The following URGCP variants were observed in gnomAD, a reference collection of about 807,000 sequenced individuals.
URGCP encodes the protein upregulator of cell proliferation, also known as up-regulator of cell proliferation.
Under a neutral mutation model 24.6 loss-of-function variants are expected in URGCP, and 13 were observed. That is an observed-to-expected ratio of 0.53 (90% CI 0.34 to 0.84). The LOEUF (loss-of-function observed/expected upper bound fraction) is 0.84. Among genes scored for constraint, URGCP ranks in the 40% least tolerant of loss-of-function variants. URGCP has a pLI of 0.01. For synonymous variants in URGCP, 444 were observed against 487.2 expected, an observed-to-expected ratio of 0.91 and a Z score of 1.17; for missense variants, 899 against 1,194.3, an observed-to-expected ratio of 0.75 and a Z score of 3.64.
chr7:43,902,267 G>A (rs1489063350), intron 1 of URGCP, among the ~76,000 whole-genome samples: 3 of 152,124 alleles, frequency 2.0e-5, no homozygotes, highest in African/African-American at 7.2e-5. Context: ...CTGGCCTTGG[G>A]TTTGTCGTCC....
intron 1 of URGCP, chr7:43,919,846 G>A: frequency 1.6e-6 from 2 of 1,273,734 alleles, no homozygotes; most frequent in South Asian, 2.4e-5. Flanking sequence ...AACCACACCA[G>A]CATCTCCTCA....
At chr7:43,906,812 C>T (rs1432756108), upstream of URGCP, 1 of 291,606 alleles carries the variant, frequency 3.4e-6, no homozygotes, top group African/African-American at 2.2e-5. Flanking sequence ...CCAACGCCCA[C>T]CTGCCCAGGT....
Position 43,887,431 on chromosome 7 carries a change from T to C in URGCP, c.96A>G (p.Thr32=), listed in dbSNP as rs2095863782. 6.2e-7 allele frequency: 1 copy of C among 1,613,832 alleles called. No homozygotes were observed. The highest frequency in any genetic ancestry group is 1.3e-5 in the African/African-American group (1 of 74,938). ...CAACTTTACCTGCAATGGCCACAGC[T>C]GTTCGTCTCTCTGATGCTTTTATTT... The part of the protein sequence containing the change: ...APEIKASERR[T]AVAIADLEWR... The change falls in exon 3 of 6, where the codon ACA becomes ACG. Residue 32 remains threonine (T), a synonymous_variant. Coordinates refer to ENST00000453200, the MANE Select transcript of URGCP (RefSeq NM_001077663.3).
chr7:43,905,069 A>ACCAAAT (rs769396205), intron 1 of URGCP, among the ~76,000 whole-genome samples: 1 of 152,164 alleles, frequency 6.6e-6, no homozygotes, highest in Non-Finnish European at 1.5e-5. Flanking sequence ...AACCGCAAAT[A>ACCAAAT]CCAAATGTCA....
Position 43,876,376 on chromosome 7 carries a change from G to A in URGCP, c.*291C>T, listed in dbSNP as rs931338077. 1 of 410,690 alleles carries A rather than the reference G, an allele frequency of 2.4e-6. No homozygotes were observed. The highest frequency in any genetic ancestry group is 2.8e-5 in the South Asian group (1 of 35,192). 25.4% of individuals were successfully genotyped at this position (410,690 alleles called of 1,614,324 possible). On this transcript the variant is annotated 3_prime_UTR_variant, in exon 6 of 6. Coordinates refer to ENST00000453200, the MANE Select transcript of URGCP (RefSeq NM_001077663.3). ...GCCAGTGACAGAGAGCAGCTATACA[G>A]AGGGCCCACCCCGCAGGATCCTTGA...
chr7:43,919,324 T>C, intron 1 of URGCP: 1 of 832,332 alleles, frequency 1.2e-6, no homozygotes, highest in African/African-American at 1.7e-5. Flanking sequence ...AACACAGCCC[T>C]GAACCAGATT....
At chr7:43,895,111 G>A (rs1212457863) in intron 1 of URGCP, among the ~76,000 whole-genome samples, 1 of 152,080 alleles carries the variant, frequency 6.6e-6, no homozygotes, top group Non-Finnish European at 1.5e-5. Flanking sequence ...AGCCAACAGA[G>A]TGAAGACACA....
At chr7:43,902,483 G>A (rs1384262803) in intron 1 of URGCP, among the ~76,000 whole-genome samples, 1 of 152,176 alleles carries the variant, frequency 6.6e-6, no homozygotes, top group Non-Finnish European at 1.5e-5. Flanking sequence ...TGGCCAGAAA[G>A]GGACCATATT....
At chr7:43,890,389 G>T (rs1369808820) in intron 1 of URGCP, among the ~76,000 whole-genome samples, 15 of 148,460 alleles carry the variant, frequency 1.0e-4, no homozygotes, top group Non-Finnish European at 1.8e-4. Flanking sequence ...TAATTTTTTT[G>T]TATTTTTTAG....
rs2095903546 is a variant in URGCP, at chr7:43,906,588, G to T, written c.-13C>A. The T allele has an allele frequency of 8.1e-7, 1 of 1,234,276 alleles. No individual in the cohort carries two copies. Among genetic ancestry groups the T allele is most frequent in the Non-Finnish European group, 1.0e-6 (1 of 980,624 alleles). 76.5% of individuals were successfully genotyped at this position (1,234,276 alleles called of 1,614,324 possible). ...CGGGCGACGCCATGAGCGCAGCGAG[G>T]TCTCCGCTCCCGCCTCCTTCGCTTC... On this transcript the variant is annotated 5_prime_UTR_variant, in exon 1 of 6. Coordinates refer to ENST00000453200, the MANE Select transcript of URGCP (RefSeq NM_001077663.3).
At chr7:43,899,428 A>T (rs1286306624) in intron 1 of URGCP, among the ~76,000 whole-genome samples, 1 of 151,618 alleles carries the variant, frequency 6.6e-6, no homozygotes, top group Non-Finnish European at 1.5e-5. Flanking sequence ...CTTTAATATA[A>T]TTTTAAAAGT....
chr7:43,904,920 T>C (rs1435960988), intron 1 of URGCP, among the ~76,000 whole-genome samples: 1 of 152,236 alleles, frequency 6.6e-6, no homozygotes, highest in Non-Finnish European at 1.5e-5. Flanking sequence ...CACTGTCATA[T>C]AACGTGGTCC....
Position 43,879,166 on chromosome 7 carries a change from A to G in URGCP, c.297T>C (p.Ser99=). The G allele has an allele frequency of 6.2e-7, 1 of 1,614,050 alleles. No individual in the cohort carries two copies. The highest frequency in any genetic ancestry group is 8.5e-7 in the Non-Finnish European group (1 of 1,180,018). Residue 99 remains serine, a synonymous_variant, in exon 6 of 6, where the codon AGT becomes AGC. Transcript: ENST00000453200. ...KLSLQDSLQI[S]FDSMKNWAPQ... is the part of the protein sequence containing the mutation. ...GGGCCCAGTTCTTCATACTGTCAAA[A>G]CTGATCTGCAGAGAGTCCTGGAGGC...
chr7:43,923,134 C>T (rs867562841), intron 1 of URGCP, among the ~76,000 whole-genome samples: 1 of 152,076 alleles, frequency 6.6e-6, no homozygotes, highest in African/African-American at 2.4e-5. Flanking sequence ...CAGGCATGCA[C>T]CACCATGCCA....
At chr7:43,887,580 TA>T in intron 2 of URGCP, 95 bp from the exon 3 acceptor site, 1 of 1,522,088 alleles carries the variant, frequency 6.6e-7, no homozygotes, top group East Asian at 2.4e-5. Flanking sequence ...GGAGAGCTTT[TA>T]AAAACTATAA....
intron 1 of URGCP, chr7:43,919,177 A>G (rs2095919162): frequency 2.3e-6 from 2 of 886,944 alleles, no homozygotes; most frequent in East Asian, 4.8e-5. Context: ...AATGACAGGT[A>G]TCCTAAGAAG....
Position 43,876,524 on chromosome 7 carries a change from C to T in URGCP, c.*143G>A. 1.2e-6 allele frequency: 1 copy of T among 828,010 alleles called. No homozygotes were observed. The highest frequency in any genetic ancestry group is 3.2e-5 in the African/African-American group (1 of 31,710). The allele number at this position is 828,010 out of a possible 1,614,324, so 51.3% of individuals were successfully genotyped here. On this transcript the variant is annotated 3_prime_UTR_variant, in exon 6 of 6. Transcript: ENST00000453200. ...TCTTTTAACACTGTTGAGGAGACTC[C>T]AAACCCTGTCTTTTCCTCGTCTTCT...
chr7:43,883,409 G>A (rs1203629475), intron 3 of URGCP, among the ~76,000 whole-genome samples: 1 of 133,268 alleles, frequency 7.5e-6, no homozygotes, highest in Non-Finnish European at 1.5e-5. Flanking sequence ...TGCCCAGACT[G>A]GAGCGCAGTG....
At chr7:43,885,765 G>A (rs1379342698) in intron 3 of URGCP, among the ~76,000 whole-genome samples, 3 of 152,158 alleles carry the variant, frequency 2.0e-5, no homozygotes, top group African/African-American at 7.2e-5. Flanking sequence ...ACTCCCCAAG[G>A]GAACCTCCCA....
Sources: gnomAD v4.1 joint callset for allele counts (sites outside exome capture counted in the v4.1 genomes callset) on GRCh38, gnomAD v4.1.1 for gene constraint, MANE v1.5 for transcripts, NCBI Gene and HGNC (gene_info 2026-07-23, HGNC 2026-07-21) for gene names.